Variants in ZRANB3 observed in about 807,000 individuals in gnomAD.
ZRANB3 encodes DNA annealing helicase and endonuclease ZRANB3.
A neutral mutation model predicts 133.8 loss-of-function variants in ZRANB3; 125 were observed. That is an observed-to-expected ratio of 0.93 (90% confidence interval 0.81 to 1.08). The LOEUF is 1.08. Ranked by LOEUF, ZRANB3 falls within the 50% of genes least tolerant of loss-of-function variation. ZRANB3 has a pLI of 0.00. For missense variants in ZRANB3, 1,229 were observed against 1,275.5 expected (o/e 0.96, Z 0.56); for synonymous variants, 387 against 432.7 (o/e 0.89, Z 1.31).
At chr2:135,262,494 G>A (rs946337389) in intron 12 of ZRANB3, among the ~76,000 whole-genome samples, 12 of 151,926 alleles carry the variant, frequency 7.9e-5, no homozygotes, top group African/African-American at 7.3e-5. Context: ...AAAAAGACTA[G>A]AAGGCCAAGA....
chr2:135,237,234 C>A (rs1695331874), intron 12 of ZRANB3, among the ~76,000 whole-genome samples: 1 of 150,610 alleles, frequency 6.6e-6, no homozygotes, highest in African/African-American at 2.4e-5. Context: ...ATCAAAACCA[C>A]AATGAGATAC....
At chr2:135,430,559 C>T (rs542674525) in intron 2 of ZRANB3, among the ~76,000 whole-genome samples, 6 of 152,146 alleles carry the variant, frequency 3.9e-5, no homozygotes, top group Admixed American at 3.9e-4. Flanking sequence ...AGGAAGTAAT[C>T]TTGTTTTAGA....
intron 3 of ZRANB3, among the ~76,000 whole-genome samples, 199 bp from the exon 4 acceptor site, chr2:135,353,827 C>T (rs898663875): frequency 1.3e-5 from 2 of 151,862 alleles, no homozygotes; most frequent in African/African-American, 2.4e-5. Flanking sequence ...ATGGTGAAAC[C>T]CTGTCTCTAT....
At chr2:135,357,258 G>A (rs1396768441) in intron 3 of ZRANB3, among the ~76,000 whole-genome samples, 1 of 151,484 alleles carries the variant, frequency 6.6e-6, no homozygotes, top group African/African-American at 2.4e-5. Context: ...GTGCCACCAC[G>A]CCTGGCTAAT....
At chr2:135,418,983 G>T (rs191779692) in intron 2 of ZRANB3, among the ~76,000 whole-genome samples, 4 of 130,068 alleles carry the variant, frequency 3.1e-5, no homozygotes, top group African/African-American at 1.2e-4. Context: ...TGTCACCCAG[G>T]CTGGAGTGCA....
intron 2 of ZRANB3, among the ~76,000 whole-genome samples, chr2:135,481,466 G>C (rs1164180559): frequency 6.6e-6 from 1 of 152,050 alleles, no homozygotes; most frequent in Non-Finnish European, 1.5e-5. Flanking sequence ...GGGGCTGTTT[G>C]TTTTTTTCTT....
intron 2 of ZRANB3, among the ~76,000 whole-genome samples, chr2:135,428,258 C>G (rs1283513282): frequency 6.6e-6 from 1 of 151,848 alleles, no homozygotes; most frequent in Non-Finnish European, 1.5e-5. Context: ...GCCTGGCCAA[C>G]ATGGGGAAAC....
intron 3 of ZRANB3, among the ~76,000 whole-genome samples, chr2:135,375,663 C>T (rs1041721022): frequency 2.0e-5 from 3 of 150,178 alleles, no homozygotes; most frequent in Non-Finnish European, 4.4e-5. Context: ...CCAGCCTGGG[C>T]GACAGAGCGA....
At chr2:135,380,960 T>C (rs1200325445) in intron 3 of ZRANB3, among the ~76,000 whole-genome samples, 2 of 152,116 alleles carry the variant, frequency 1.3e-5, no homozygotes, top group African/African-American at 4.8e-5. Context: ...CATTTCCAAC[T>C]GAGGTACTGG....
chr2:135,404,783 G>C (rs1300061606), intron 2 of ZRANB3, among the ~76,000 whole-genome samples: 6 of 152,204 alleles, frequency 3.9e-5, no homozygotes, highest in Admixed American at 1.3e-4. Context: ...CCAGAAGAGA[G>C]TGGGGGCCAA....
At chr2:135,237,834 T>G (rs1169962140) in intron 12 of ZRANB3, among the ~76,000 whole-genome samples, 1 of 152,130 alleles carries the variant, frequency 6.6e-6, no homozygotes, top group East Asian at 1.9e-4. Context: ...GAGATATACC[T>G]AATGTTAAAT....
intron 5 of ZRANB3, among the ~76,000 whole-genome samples, chr2:135,349,484 C>A (rs116786481): frequency 6.6e-6 from 1 of 152,142 alleles, no homozygotes; most frequent in South Asian, 2.1e-4. Flanking sequence ...CAAACACATG[C>A]CTTATTCTTT....
chr2:135,460,750 AC>A (rs1305325742), intron 2 of ZRANB3, among the ~76,000 whole-genome samples: 1 of 152,242 alleles, frequency 6.6e-6, no homozygotes, highest in Non-Finnish European at 1.5e-5. Context: ...AATGAATTTA[AC>A]AAATTATGCT....
intron 9 of ZRANB3, among the ~76,000 whole-genome samples, chr2:135,275,288 C>A (rs1478898624): frequency 6.6e-6 from 1 of 150,412 alleles, no homozygotes; most frequent in Non-Finnish European, 1.5e-5. Context: ...GGCGGCTGGC[C>A]GGGCGGGGGC....
intron 8 of ZRANB3, among the ~76,000 whole-genome samples, chr2:135,279,492 G>A (rs1680997249): frequency 1.3e-5 from 2 of 152,140 alleles, no homozygotes; most frequent in Admixed American, 1.3e-4. Flanking sequence ...TGCCTAAAGA[G>A]CTATATTTAC....
intron 17 of ZRANB3, among the ~76,000 whole-genome samples, chr2:135,211,028 C>CA (rs1477976427): frequency 3.4e-5 from 5 of 149,160 alleles, no homozygotes; most frequent in East Asian, 2.0e-4. Context: ...GACTCTGTCT[C>CA]AAAAAAAAGA....
At chr2:135,473,180 A>G (rs1691355435) in intron 2 of ZRANB3, among the ~76,000 whole-genome samples, 1 of 152,226 alleles carries the variant, frequency 6.6e-6, no homozygotes, top group Non-Finnish European at 1.5e-5. Flanking sequence ...AAACTCTGGT[A>G]GCCACCTTCC....
At chr2:135,280,213 A>T (rs1362700103) in intron 8 of ZRANB3, among the ~76,000 whole-genome samples, 1 of 152,232 alleles carries the variant, frequency 6.6e-6, no homozygotes, top group Non-Finnish European at 1.5e-5. Flanking sequence ...TGTTAGTAAT[A>T]AGCCTGTTAG....
intron 6 of ZRANB3, among the ~76,000 whole-genome samples, chr2:135,331,806 G>C (rs1033933500): frequency 6.6e-6 from 1 of 151,950 alleles, no homozygotes; most frequent in Non-Finnish European, 1.5e-5. Flanking sequence ...TTATAGTAAT[G>C]GTCTTCTTTG....
Sources: gnomAD v4.1 joint callset for allele counts (sites outside exome capture counted in the v4.1 genomes callset) on GRCh38, gnomAD v4.1.1 for gene constraint, MANE v1.5 for transcripts, NCBI Gene and HGNC (gene_info 2026-07-23, HGNC 2026-07-21) for gene names.